Variants in HPSE2 observed in about 807,000 individuals in gnomAD.
HPSE2 encodes the protein heparanase 2 (inactive).
Under a neutral mutation model 60.5 loss-of-function variants are expected in HPSE2, and 38 were observed. The observed-to-expected ratio is 0.63, with a 90% confidence interval of 0.48 to 0.82. The LOEUF (loss-of-function observed/expected upper bound fraction) is 0.82, where lower values mean the gene tolerates loss of function less well. Ranked by LOEUF, HPSE2 falls within the 40% of genes least tolerant of loss-of-function variation. The pLI is 0.00. For missense variants in HPSE2, 713 were observed against 740.4 expected, an observed-to-expected ratio of 0.96 and a Z score of 0.43; for synonymous variants, 295 against 293.2, an observed-to-expected ratio of 1.01 and a Z score of -0.06.
intron 3 of HPSE2, among the ~76,000 whole-genome samples, chr10:98,820,928 T>C (rs1951409963): frequency 6.6e-6 from 1 of 152,196 alleles, no homozygotes. Context: ...GACTAACTTC[T>C]TATGAGATCT....
At chr10:99,145,624 G>GTT (rs990947943) in intron 2 of HPSE2, among the ~76,000 whole-genome samples, 27 of 152,124 alleles carry the variant, frequency 1.8e-4, no homozygotes, top group African/African-American at 5.5e-4. Context: ...AAACTTTCAA[G>GTT]TTTTGCATAA....
intron 7 of HPSE2, among the ~76,000 whole-genome samples, chr10:98,639,699 G>C (rs1209935427): frequency 2.0e-5 from 3 of 152,218 alleles, no homozygotes; most frequent in African/African-American, 7.2e-5. Context: ...GGCATATGCA[G>C]TGCGGGACGG....
At chr10:99,301,460 A>G in the HPSE2 span, among the ~76,000 whole-genome samples, 38 of 152,186 alleles carry the variant, frequency 2.5e-4, no homozygotes, top group Non-Finnish European at 5.4e-4. Context: ...TCCTGGGACA[A>G]GGACTTTGGT....
At chr10:98,834,660 A>G (rs571342556) in intron 3 of HPSE2, among the ~76,000 whole-genome samples, 34 of 152,270 alleles carry the variant, frequency 2.2e-4, no homozygotes, top group African/African-American at 8.2e-4. Flanking sequence ...GTGTAGTCTA[A>G]GAATCCTGGA....
At chr10:99,222,102 A>G (rs2133932088) in intron 2 of HPSE2, among the ~76,000 whole-genome samples, 1 of 152,230 alleles carries the variant, frequency 6.6e-6, no homozygotes, top group South Asian at 2.1e-4. Context: ...CTTTCAAATC[A>G]GACTCCAGCT....
Position 98,533,345 on chromosome 10 carries a change from T to C in HPSE2, c.1321-43149A>G, listed in dbSNP as rs762937900. On this transcript the variant is annotated intron_variant, in intron 9 of 11. Coordinates refer to ENST00000370552, the MANE Select transcript of HPSE2 (RefSeq NM_021828.5). ...TTTATGGAAGTCACAATGGGACAGT[T>C]TGAAGATAGAATAATGCCTTAATAC... 3.3e-5 allele frequency among the ~76,000 whole-genome samples: 5 copies of C among 152,232 alleles called. No homozygotes were observed. In the East Asian group the frequency reaches 9.6e-4, roughly 29 times the overall value.
upstream of HPSE2, among the ~76,000 whole-genome samples, chr10:99,239,193 TA>T (rs1312516562): frequency 3.3e-5 from 5 of 151,764 alleles, no homozygotes; most frequent in Admixed American, 6.6e-5. Flanking sequence ...AATTAAAAAA[TA>T]AAATATGAAC....
intron 3 of HPSE2, among the ~76,000 whole-genome samples, chr10:99,143,979 C>T (rs1429151896): frequency 6.6e-6 from 1 of 152,170 alleles, no homozygotes; most frequent in Non-Finnish European, 1.5e-5. Context: ...AATCTACTGG[C>T]ATACATTTAG....
At chr10:99,159,744 G>C (rs1157773851) in intron 2 of HPSE2, among the ~76,000 whole-genome samples, 1 of 152,056 alleles carries the variant, frequency 6.6e-6, no homozygotes, top group East Asian at 1.9e-4. Context: ...TGTATCCTTA[G>C]GTTAAGTACA....
chr10:98,700,219 C>T (rs1347747821), intron 5 of HPSE2, among the ~76,000 whole-genome samples: 1 of 151,780 alleles, frequency 6.6e-6, no homozygotes, highest in African/African-American at 2.4e-5. Flanking sequence ...AAGCTGGAGG[C>T]ATCATGCTAC....
At chr10:98,798,625 CTGTT>C (rs145671939) in intron 3 of HPSE2, among the ~76,000 whole-genome samples, 1,826 of 152,122 alleles carry the variant, frequency 0.012, 26 homozygotes, top group African/African-American at 0.041. Flanking sequence ...TTCTTTTTGT[CTGTT>C]TGTTTATATA....
intron 9 of HPSE2, among the ~76,000 whole-genome samples, chr10:98,501,222 C>T (rs1201855888): frequency 6.6e-6 from 1 of 152,020 alleles, no homozygotes; most frequent in East Asian, 1.9e-4. Flanking sequence ...AAAACCAAAA[C>T]CAGGAAAGAA....
chr10:98,877,078 C>T (rs977555527), intron 3 of HPSE2, among the ~76,000 whole-genome samples: 2 of 151,802 alleles, frequency 1.3e-5, no homozygotes, highest in African/African-American at 4.8e-5. Context: ...TGTGAAATAT[C>T]TCTTATATAA....
At chr10:99,143,483 A>G (rs1845939384) in intron 3 of HPSE2, among the ~76,000 whole-genome samples, 1 of 152,194 alleles carries the variant, frequency 6.6e-6, no homozygotes, top group African/African-American at 2.4e-5. Context: ...TTGATTTGTT[A>G]AAGTTTATTT....
At chr10:99,140,803 C>A (rs1004250161) in intron 3 of HPSE2, among the ~76,000 whole-genome samples, 4 of 152,134 alleles carry the variant, frequency 2.6e-5, no homozygotes, top group Non-Finnish European at 5.9e-5. Flanking sequence ...CTCTGGGAGG[C>A]CGAGGTGGGC....
At chr10:99,095,130 G>A (rs1843675342) in intron 3 of HPSE2, among the ~76,000 whole-genome samples, 1 of 151,940 alleles carries the variant, frequency 6.6e-6, no homozygotes, top group Admixed American at 6.6e-5. Flanking sequence ...AGGCTGCAGT[G>A]AGCTATGATT....
At chr10:98,821,479 GT>G (rs1951422108) in intron 3 of HPSE2, among the ~76,000 whole-genome samples, 1 of 152,170 alleles carries the variant, frequency 6.6e-6, no homozygotes, top group Non-Finnish European at 1.5e-5. Context: ...CATATATGTG[GT>G]CAGTTGACAA....
chr10:99,169,683 AT>A (rs1421054829), intron 2 of HPSE2, among the ~76,000 whole-genome samples: 2 of 152,108 alleles, frequency 1.3e-5, no homozygotes, highest in Non-Finnish European at 2.9e-5. Flanking sequence ...ACAGTGCTTC[AT>A]TGTGTCCTGC....
At chr10:98,587,211 G>C (rs1010324909) in intron 9 of HPSE2, among the ~76,000 whole-genome samples, 8 of 152,098 alleles carry the variant, frequency 5.3e-5, no homozygotes, top group Non-Finnish European at 1.5e-5. Context: ...TCATTTGAAT[G>C]ACTTGTTTAT....
Sources: gnomAD v4.1 joint callset for allele counts (sites outside exome capture counted in the v4.1 genomes callset) on GRCh38, gnomAD v4.1.1 for gene constraint, MANE v1.5 for transcripts, NCBI Gene and HGNC (gene_info 2026-07-23, HGNC 2026-07-21) for gene names.